TECPR2: variants seen among roughly 807,000 people sequenced by gnomAD.
TECPR2 encodes the protein tectonin beta-propeller repeat-containing protein 2.
Under a neutral mutation model 138.1 loss-of-function variants are expected in TECPR2, and 65 were observed. The observed-to-expected ratio is 0.47, with a 90% CI of 0.39 to 0.58. The LOEUF is 0.58. Ranked by LOEUF, TECPR2 falls within the 20% of genes least tolerant of loss-of-function variation. The pLI, the probability that TECPR2 is intolerant of heterozygous loss-of-function variation, is 0.00. For synonymous variants in TECPR2, 746 were observed against 749.8 expected, an observed-to-expected ratio of 0.99 and a Z score of 0.08; for missense variants, 1,553 against 1,824.5, an observed-to-expected ratio of 0.85 and a Z score of 2.71.
Position 102,443,247 on chromosome 14 carries a change from G to A in TECPR2, c.2753-400G>A, listed in dbSNP as rs1248819646. 6.6e-6 allele frequency among the ~76,000 whole-genome samples: 1 copy of A among 152,168 alleles called. No homozygotes were observed. The highest frequency in any genetic ancestry group is 2.1e-4 in the South Asian group (1 of 4,824). On this transcript the variant is annotated intron_variant, in intron 11 of 19. Coordinates refer to ENST00000359520, the MANE Select transcript of TECPR2 (RefSeq NM_014844.5). This position sits in a 1 kb window ranked among gnomAD's most constrained non-coding sequence, Gnocchi z 4.9. ...TCTTAGAACTTCTTAAGCTACATTG[G>A]GACACCAGATAATTCTGAATTGTTC...
chr14:102,434,091 T>G, intron 8 of TECPR2, 144 bp from the exon 9 acceptor site: 1 of 701,428 alleles, frequency 1.4e-6, no homozygotes, highest in Non-Finnish European at 2.0e-6. Context: ...TTGGGATTAT[T>G]TGTACTTAAG....
intron 10 of TECPR2, among the ~76,000 whole-genome samples, chr14:102,439,209 G>A (rs138762259): frequency 3.9e-5 from 6 of 152,078 alleles, no homozygotes; most frequent in African/African-American, 1.2e-4. Flanking sequence ...CGGCACCTAC[G>A]CCAGTGGGGA....
In TECPR2 at chr14:102,498,635, G is replaced by A; in HGVS notation, c.*378G>A. 4.9e-6 allele frequency: 2 copies of A among 406,440 alleles called. No individual in the cohort carries two copies. The highest frequency in any genetic ancestry group is 4.3e-5 in the South Asian group (2 of 46,452). The allele number at this position is 406,440 out of a possible 1,614,324, so 25.2% of individuals were successfully genotyped here. A position where few individuals can be genotyped will look rare whatever the true frequency, so the allele number is the denominator to read the frequency against. ...GTAGCCGGGCAGCTGGTTTGGCCCAGGGCCTCCTTCCACATTAGTAGCCCC... is the reference window on the plus strand; with the variant it reads ...GTAGCCGGGCAGCTGGTTTGGCCCAAGGCCTCCTTCCACATTAGTAGCCCC... On this transcript the variant is annotated 3_prime_UTR_variant, in exon 20 of 20. Transcript: ENST00000359520.
At chr14:102,423,159 G>A (rs150386093) in intron 5 of TECPR2, among the ~76,000 whole-genome samples, 29 of 152,218 alleles carry the variant, frequency 1.9e-4, no homozygotes, top group South Asian at 8.3e-4. Context: ...TTGGCCAGGC[G>A]CAGTGGCTCA....
rs774164894 is a variant in TECPR2, at chr14:102,414,765, A to C, written c.610A>C (p.Arg204=). ...CTTTTACACTGAAGAAAAGTCTGTA[A>C]GGCAAATTGGAACACAACCAAGGAA... is the stretch of plus-strand genomic sequence containing the variant. ...LLFYTEEKSV[R]QIGTQPRKST... Residue 204 remains arginine, a synonymous_variant, in exon 5 of 20, where the codon AGG becomes CGG. Transcript: ENST00000359520. 1.2e-6 allele frequency: 2 copies of C among 1,614,244 alleles called. No homozygotes were observed. Among genetic ancestry groups the C allele is most frequent in the Non-Finnish European group, 1.7e-6 (2 of 1,180,042 alleles).
intron 15 of TECPR2, among the ~76,000 whole-genome samples, chr14:102,451,078 G>A (rs561489347): frequency 2.6e-5 from 4 of 152,328 alleles, no homozygotes; most frequent in African/African-American, 4.8e-5. Context: ...CATTTGCACC[G>A]CATTAGGCAG....
At chr14:102,490,858 C>T (rs192938771) in intron 17 of TECPR2, among the ~76,000 whole-genome samples, 15 of 152,310 alleles carry the variant, frequency 9.8e-5, no homozygotes, top group African/African-American at 3.6e-4. Flanking sequence ...GGTCCTCAGA[C>T]GACATGTGCT....
In TECPR2 at chr14:102,480,224, T is replaced by TTTA. The variant is rs1555454554; in HGVS notation, c.3789+14937_3789+14938insATT. ...GCATCTTGGTTGGTTTTTTTTTTTT[T>TTTA]TTTTTTATTGATTTATTTGAGACGG... On this transcript the variant is annotated intron_variant, in intron 17 of 19. Coordinates refer to ENST00000359520, the MANE Select transcript of TECPR2 (RefSeq NM_014844.5). 1.2e-4 allele frequency among the ~76,000 whole-genome samples: 18 copies of TTTA among 148,364 alleles called. No homozygotes were observed. The East Asian group carries it at 1.4e-3, about 12-fold the overall frequency.
rs1208409077 is a variant in TECPR2 at position 102,443,440 on chromosome 14, C to G, written c.2753-207C>G. ...CTGAGGTGGGAGGATCTCTTGAGCC[C>G]AGGAGTTTGAGATCAGCCTGGGCAA... On this transcript the variant is annotated intron_variant, in intron 11 of 19. Transcript: ENST00000359520. This position sits in a 1 kb window ranked among gnomAD's most constrained non-coding sequence, Gnocchi z 4.9. Among the ~76,000 whole-genome samples, 1 of 152,012 alleles carries G rather than the reference C, an allele frequency of 6.6e-6. No individual in the cohort carries two copies. The highest frequency in any genetic ancestry group is 1.5e-5 in the Non-Finnish European group (1 of 68,018).
In TECPR2 at chr14:102,450,613, G is replaced by A; in HGVS notation, c.3370G>A (p.Ala1124Thr). 1.2e-6 allele frequency: 2 copies of A among 1,614,188 alleles called. No homozygotes were observed. Among genetic ancestry groups the A allele is most frequent in the Non-Finnish European group, 1.7e-6 (2 of 1,180,022 alleles). The change falls in exon 15 of 20, where the codon GCC becomes ACC. Residue 1124 changes from alanine (A) to threonine (T), a missense_variant. By Grantham distance (58) the Ala-to-Thr change is moderately conservative. Transcript: ENST00000359520. ...PRGTASATKW[A>T]FVLASAAPTK... ...TGGGACAGCTTCTGCTACAAAATGG[G>A]CCTTTGTGTTGGCTTCTGCAGCTCC...
intron 17 of TECPR2, among the ~76,000 whole-genome samples, chr14:102,476,367 A>T (rs574467493): frequency 8.0e-6 from 1 of 124,804 alleles, no homozygotes. Flanking sequence ...CCCTGCCTCT[A>T]AAAAAAAAAA....
At chr14:102,487,669 G>C (rs1423434737) in intron 17 of TECPR2, among the ~76,000 whole-genome samples, 7 of 152,034 alleles carry the variant, frequency 4.6e-5, no homozygotes, top group Non-Finnish European at 1.5e-5. Context: ...AGACTCCCGA[G>C]TAGCTGGGAC....
chr14:102,403,097 C>T (rs1446466083), intron 2 of TECPR2, among the ~76,000 whole-genome samples: 1 of 152,144 alleles, frequency 6.6e-6, no homozygotes, highest in Admixed American at 6.5e-5. Flanking sequence ...GAAAAATACA[C>T]ATCAGTATCC....
At chr14:102,365,553 G>C (rs1597756035) in intron 1 of TECPR2, among the ~76,000 whole-genome samples, 1 of 152,208 alleles carries the variant, frequency 6.6e-6, no homozygotes, top group Non-Finnish European at 1.5e-5. Context: ...AAGGAACGAA[G>C]TACTGATTTG....
At chr14:102,364,241 C>G (rs190721421) in intron 1 of TECPR2, among the ~76,000 whole-genome samples, 9 of 152,324 alleles carry the variant, frequency 5.9e-5, no homozygotes, top group Admixed American at 1.3e-4. Flanking sequence ...CTTGTGATCA[C>G]CAGCGATTCC....
intron 17 of TECPR2, among the ~76,000 whole-genome samples, chr14:102,496,360 C>T (rs117930101): frequency 0.032 from 4,882 of 152,286 alleles, 89 homozygotes; most frequent in Middle Eastern, 0.092. Context: ...CTGGAGTTGC[C>T]GGTGGACAGC....
chr14:102,499,314 A>G lies in TECPR2; in HGVS notation c.*1057A>G. On this transcript the variant is annotated 3_prime_UTR_variant, in exon 20 of 20. Transcript: ENST00000359520. ...TCCTCAGAGGACGAGTCTACTAATT[A>G]TTGCCTTTGTTGTTGTATTACAAAT... 1 of 611,354 alleles carries G rather than the reference A, an allele frequency of 1.6e-6. No individual in the cohort carries two copies. Among genetic ancestry groups the G allele is most frequent in the East Asian group, 2.8e-5 (1 of 36,308 alleles). The allele number at this position is 611,354 out of a possible 1,614,324, so 37.9% of individuals were successfully genotyped here. A position where few individuals can be genotyped will look rare whatever the true frequency, so the allele number is the denominator to read the frequency against.
intron 1 of TECPR2, among the ~76,000 whole-genome samples, chr14:102,373,452 T>C (rs1183613092): frequency 6.6e-6 from 1 of 152,226 alleles, no homozygotes; most frequent in African/African-American, 2.4e-5. Context: ...TTAGATGATT[T>C]TGCCCAGCTG....
intron 17 of TECPR2, among the ~76,000 whole-genome samples, chr14:102,473,302 A>G (rs1022037415): frequency 6.6e-6 from 1 of 152,218 alleles, no homozygotes; most frequent in Non-Finnish European, 1.5e-5. Context: ...GCGAATCTTT[A>G]AATCGCAGAG....
Sources: allele counts gnomAD v4.1 joint callset (sites outside exome capture counted in the v4.1 genomes callset), GRCh38; gene constraint gnomAD v4.1.1; non-coding constraint Gnocchi (gnomAD v3.1); transcripts MANE v1.5; gene names NCBI Gene and HGNC (gene_info 2026-07-23, HGNC 2026-07-21).